The following RAD54L2 variants were observed in gnomAD, a reference collection of about 807,000 sequenced individuals.
RAD54L2 encodes helicase ARIP4.
In RAD54L2, 27 loss-of-function variants were observed where a neutral mutation model predicts 138.4. That is an observed-to-expected ratio of 0.20 (90% confidence interval 0.14 to 0.27). The LOEUF (loss-of-function observed/expected upper bound fraction) is 0.27, where lower values mean the gene tolerates loss of function less well. Among genes scored for constraint, RAD54L2 ranks in the 10% least tolerant of loss-of-function variants. The pLI is 1.00. For missense variants in RAD54L2, 1,396 were observed against 1,890.2 expected, an observed-to-expected ratio of 0.74 and a Z score of 4.85; for synonymous variants, 644 against 723.2, an observed-to-expected ratio of 0.89 and a Z score of 1.76.
intron 3 of RAD54L2, among the ~76,000 whole-genome samples, chr3:51,612,179 T>C (rs1474265575): frequency 1.3e-5 from 2 of 152,238 alleles, no homozygotes; most frequent in Admixed American, 6.5e-5. Context: ...AAAAATCAGC[T>C]CAAGGCCGGG....
chr3:51,637,233 GC>G lies in RAD54L2; in HGVS notation c.1414del (p.Gln472ArgfsTer8). ...ICDEGHRIKN[C>X]QASTSQALKN... ...GATGAGGGACACCGCATCAAAAACT[GC>G]CAGGCCAGCACCTCACAGGCTCTGA... On this transcript the variant is annotated frameshift_variant, in exon 11 of 23. Coordinates refer to ENST00000684192, the MANE Select transcript of RAD54L2 (RefSeq NM_015106.4). LOFTEE classifies it high-confidence loss of function. The surrounding 1 kb of genome is among the most constrained non-coding windows in gnomAD (Gnocchi z 5.9). 6.3e-7 allele frequency: 1 copy of G among 1,597,024 alleles called. No individual in the cohort carries two copies. Among genetic ancestry groups the G allele is most frequent in the Admixed American group, 1.7e-5 (1 of 57,176 alleles).
chr3:51,551,999 T>G (rs1337844855), intron 2 of RAD54L2, among the ~76,000 whole-genome samples: 1 of 151,502 alleles, frequency 6.6e-6, no homozygotes, highest in African/African-American at 2.4e-5. Context: ...ATCTGCCCTC[T>G]TCAGCCTCCC....
At position 51,652,714 on chromosome 3, in the gene RAD54L2, C is replaced by A. The variant is rs554065659; in HGVS notation, c.3027-3257C>A. 4.8e-3 allele frequency among the ~76,000 whole-genome samples: 732 copies of A among 152,292 alleles called. 5 individuals are homozygous for A. Among genetic ancestry groups the A allele is most frequent in the African/African-American group, 0.016 (681 of 41,562 alleles). On this transcript the variant is annotated intron_variant, in intron 19 of 22. Transcript: ENST00000684192. ...TATTTAATAAATGGTGCTGGAAAAA[C>A]TGGCTAGCCATATGTAGAAAGCTGA... is the stretch of plus-strand genomic sequence containing the variant.
chr3:51,559,074 C>T (rs1289368908), intron 2 of RAD54L2, among the ~76,000 whole-genome samples: 1 of 150,226 alleles, frequency 6.7e-6, no homozygotes, highest in African/African-American at 2.4e-5. Context: ...GGGGTTTCAC[C>T]ATGTTGCCCA....
At chr3:51,660,408 A>T (rs1701733020) in intron 22 of RAD54L2, among the ~76,000 whole-genome samples, 2 of 151,090 alleles carry the variant, frequency 1.3e-5, no homozygotes, top group South Asian at 4.2e-4. Flanking sequence ...TCCTGGGTTC[A>T]TGCCGTTCTC....
intron 3 of RAD54L2, among the ~76,000 whole-genome samples, chr3:51,603,326 C>T (rs1700115331): frequency 6.6e-6 from 1 of 151,860 alleles, no homozygotes; most frequent in African/African-American, 2.4e-5. Context: ...AATAAATAGG[C>T]TGGATGCAGT....
intron 19 of RAD54L2, among the ~76,000 whole-genome samples, chr3:51,655,138 A>G (rs1701563717): frequency 6.6e-6 from 1 of 152,164 alleles, no homozygotes; most frequent in Non-Finnish European, 1.5e-5. Context: ...CCAACAGCAG[A>G]GTGGTATAAA....
chr3:51,634,612 C>T (rs572639340), intron 9 of RAD54L2, among the ~76,000 whole-genome samples: 7 of 152,098 alleles, frequency 4.6e-5, no homozygotes, highest in South Asian at 2.1e-4. Flanking sequence ...TCAGGTGATC[C>T]GCCCACCTTG....
intron 2 of RAD54L2, among the ~76,000 whole-genome samples, chr3:51,564,831 A>G (rs1337208408): frequency 3.3e-5 from 5 of 152,352 alleles, no homozygotes; most frequent in Non-Finnish European, 5.9e-5. Flanking sequence ...AATAGGGGAA[A>G]AAGTTAAGAG....
At chr3:51,552,286 A>C (rs1698857218) in intron 2 of RAD54L2, among the ~76,000 whole-genome samples, 1 of 142,876 alleles carries the variant, frequency 7.0e-6, no homozygotes, top group South Asian at 2.1e-4. Flanking sequence ...TTTTTGAGAC[A>C]GAGTCTTGCT....
chr3:51,638,663 AC>A lies in RAD54L2; in HGVS notation c.1860+343del. 1 of 211,730 alleles carries A rather than the reference AC, an allele frequency of 4.7e-6. No homozygotes were observed. The highest frequency in any genetic ancestry group is 1.3e-4 in the South Asian group (1 of 7,658). 13.1% of individuals were successfully genotyped at this position (211,730 alleles called of 1,614,324 possible). ...AGAATTCAAGAGATATATAGCTTAGACAAGTTATTAGGGGTACCTTCCATTG... is the reference window on the plus strand; with the variant it reads ...AGAATTCAAGAGATATATAGCTTAGAAAGTTATTAGGGGTACCTTCCATTG... On this transcript the variant is annotated intron_variant, in intron 12 of 22. Coordinates refer to ENST00000684192, the MANE Select transcript of RAD54L2 (RefSeq NM_015106.4). This position sits in a 1 kb window ranked among gnomAD's most constrained non-coding sequence, Gnocchi z 4.3.
rs138600830 is a variant in RAD54L2, at chr3:51,635,712, C to A, written c.1262C>A (p.Pro421Gln). 1.2e-6 allele frequency: 2 copies of A among 1,613,640 alleles called. No individual in the cohort carries two copies. Among genetic ancestry groups the A allele is most frequent in the Non-Finnish European group, 1.7e-6 (2 of 1,179,824 alleles). ...AAGAAATCATTTGCCACAGGTAGACCGAAGAAAACCAAGAAGCGTTCTCAC... is the reference window on the plus strand; with the variant it reads ...AAGAAATCATTTGCCACAGGTAGACAGAAGAAAACCAAGAAGCGTTCTCAC... ...TLKKSFATGR[P>Q]KKTKKRSHPV... Residue 421 changes from proline (P) to glutamine (Q), a missense_variant, in exon 10 of 23, where the codon CCG (proline) becomes CAG (glutamine). Physicochemically the swap from Pro to Gln is moderately conservative, Grantham distance 76 (BLOSUM62 -1). Coordinates refer to ENST00000684192, the MANE Select transcript of RAD54L2 (RefSeq NM_015106.4).
At chr3:51,598,627 A>G (rs1482556812) in intron 3 of RAD54L2, among the ~76,000 whole-genome samples, 2 of 151,994 alleles carry the variant, frequency 1.3e-5, no homozygotes, top group Non-Finnish European at 2.9e-5. Flanking sequence ...ATGGTGGTGC[A>G]CGCCTGTAAT....
At chr3:51,652,229 A>G (rs904032439) in intron 19 of RAD54L2, among the ~76,000 whole-genome samples, 4 of 152,204 alleles carry the variant, frequency 2.6e-5, no homozygotes, top group African/African-American at 9.6e-5. Flanking sequence ...CTTACAAGGG[A>G]TGTGAAGGAC....
intron 18 of RAD54L2, among the ~76,000 whole-genome samples, 179 bp from the exon 19 acceptor site, chr3:51,646,106 G>T (rs1409189563): frequency 6.6e-6 from 1 of 152,194 alleles, no homozygotes; most frequent in Non-Finnish European, 1.5e-5. Context: ...TCTAAAGCTG[G>T]TACTAGGTTA....
chr3:51,583,719 G>A (rs188092115), intron 2 of RAD54L2, among the ~76,000 whole-genome samples: 5 of 151,564 alleles, frequency 3.3e-5, no homozygotes, highest in Admixed American at 2.6e-4. Flanking sequence ...GAGCCACCAC[G>A]CCCGGCCGAC....
rs372379109 is a variant in RAD54L2, at chr3:51,569,993, C to T, written c.-54-20374C>T. ...GTCTACGGACGTGCACCACTATGCC[C>T]AGCTGATTTTGTAGTTTTTTATAGA... is the stretch of plus-strand genomic sequence containing the variant. On this transcript the variant is annotated intron_variant, in intron 2 of 22. Coordinates refer to ENST00000684192, the MANE Select transcript of RAD54L2 (RefSeq NM_015106.4). 5.9e-5 allele frequency among the ~76,000 whole-genome samples: 9 copies of T among 151,906 alleles called. No individual in the cohort carries two copies. In the East Asian group the frequency reaches 1.6e-3, roughly 26 times the overall value.
intron 2 of RAD54L2, among the ~76,000 whole-genome samples, chr3:51,579,269 A>G (rs1181925834): frequency 1.4e-5 from 2 of 141,352 alleles, no homozygotes; most frequent in Non-Finnish European, 3.0e-5. Flanking sequence ...TGGGATTTTT[A>G]TGGGTGCAGG....
At position 51,641,806 on chromosome 3, in the gene RAD54L2, C is replaced by G; in HGVS notation, c.2289C>G (p.Pro763=). 6.2e-7 allele frequency: 1 copy of G among 1,601,138 alleles called. No homozygotes were observed. Among genetic ancestry groups the G allele is most frequent in the Non-Finnish European group, 8.5e-7 (1 of 1,173,598 alleles). Residue 763 remains proline, a synonymous_variant, in exon 15 of 23, where the codon CCC becomes CCG. Transcript: ENST00000684192. ...AATTCCTTGGAAAACGAGAAGTACC[C>G]TGTCCACCTGGTACCGAGGGGCAAG... ...IEEFLGKREV[P]CPPGTEGQGA...
Sources: allele counts gnomAD v4.1 joint callset (sites outside exome capture counted in the v4.1 genomes callset), GRCh38; gene constraint gnomAD v4.1.1; non-coding constraint Gnocchi (gnomAD v3.1); transcripts MANE v1.5; gene names NCBI Gene and HGNC (gene_info 2026-07-23, HGNC 2026-07-21).